Variants in TBC1D5 observed in about 807,000 individuals in gnomAD.
The protein encoded by TBC1D5 is TBC1 domain family member 5.
In TBC1D5, 75 loss-of-function variants were observed where a neutral mutation model predicts 100.3. That is an observed-to-expected ratio of 0.75 (90% CI 0.62 to 0.91). The LOEUF (loss-of-function observed/expected upper bound fraction) is 0.91. Ranked by LOEUF, TBC1D5 falls within the 40% of genes least tolerant of loss-of-function variation. The pLI is 0.00. For synonymous variants in TBC1D5, 323 were observed against 325.6 expected (o/e 0.99, Z 0.09); for missense variants, 910 against 942.4 (o/e 0.97, Z 0.45).
intron 16 of TBC1D5, among the ~76,000 whole-genome samples, chr3:17,247,175 C>T (rs1329600817): frequency 2.0e-5 from 3 of 152,138 alleles, no homozygotes; most frequent in Non-Finnish European, 4.4e-5. Flanking sequence ...GTGAGCAGCT[C>T]TACTTGGCAA....
intron 2 of TBC1D5, among the ~76,000 whole-genome samples, chr3:17,595,278 C>T (rs901427832): frequency 2.0e-5 from 3 of 151,942 alleles, no homozygotes; most frequent in Admixed American, 1.3e-4. Flanking sequence ...CTAGAGAACC[C>T]GAATACACTG....
chr3:17,542,688 A>G lies in TBC1D5; in HGVS notation c.-35-34083T>C, dbSNP rs536065220. On this transcript the variant is annotated intron_variant, in intron 2 of 21. Coordinates refer to ENST00000253692, the Ensembl canonical transcript of TBC1D5. ...TAAGAAATATTGTTAAATTTTGTCA[A>G]GTGCTTTTTCTGCATCTATTGAGAT... Among the ~76,000 whole-genome samples, 377 of 152,332 alleles carry G rather than the reference A, an allele frequency of 2.5e-3. 1 individual carries two copies. The highest frequency in any genetic ancestry group is 6.8e-3 in the Middle Eastern group (2 of 294).
rs975291301 is a variant in TBC1D5, at chr3:17,634,650, A to G, written c.-100-10737T>C. Among the ~76,000 whole-genome samples, 8 of 151,794 alleles carry G rather than the reference A, an allele frequency of 5.3e-5. No individual in the cohort carries two copies. The East Asian group carries it at 7.7e-4, about 15-fold the overall frequency. Reference sequence around the variant, plus strand: ...GTAAAAAAAAAAAAAAAAAAAGTGAATAAGACTAAGTATTTGATAGCACAA... The same window carrying G: ...GTAAAAAAAAAAAAAAAAAAAGTGAGTAAGACTAAGTATTTGATAGCACAA... On this transcript the variant is annotated intron_variant, in intron 1 of 21. Transcript: ENST00000253692.
chr3:17,577,445 T>A (rs1190648105), intron 2 of TBC1D5, among the ~76,000 whole-genome samples: 1 of 152,030 alleles, frequency 6.6e-6, no homozygotes, highest in Non-Finnish European at 1.5e-5. Context: ...CAAGCATTTT[T>A]AAATATATAC....
chr3:17,392,828 T>C (rs574295335), intron 8 of TBC1D5, among the ~76,000 whole-genome samples: 12 of 152,274 alleles, frequency 7.9e-5, no homozygotes, highest in African/African-American at 2.6e-4. Context: ...TAAACATACG[T>C]ATGCATGTGT....
intron 2 of TBC1D5, among the ~76,000 whole-genome samples, chr3:17,559,559 GA>G (rs2096544083): frequency 6.6e-6 from 1 of 151,736 alleles, no homozygotes; most frequent in South Asian, 2.1e-4. Context: ...TGAGAATGTG[GA>G]ATTCACATTC....
chr3:17,478,300 T>G (rs186430739), intron 3 of TBC1D5, among the ~76,000 whole-genome samples: 2 of 152,292 alleles, frequency 1.3e-5, no homozygotes, highest in Non-Finnish European at 2.9e-5. Flanking sequence ...ATTTTTGAAT[T>G]AGTATCTGTG....
intron 13 of TBC1D5, among the ~76,000 whole-genome samples, chr3:17,365,955 A>C (rs2092096202): frequency 6.6e-6 from 1 of 152,210 alleles, no homozygotes; most frequent in Non-Finnish European, 1.5e-5. Flanking sequence ...AAATGGGGAT[A>C]ATAACAGTAC....
intron 3 of TBC1D5, among the ~76,000 whole-genome samples, chr3:17,453,281 C>A: frequency 6.7e-6 from 1 of 149,728 alleles, no homozygotes; most frequent in Non-Finnish European, 1.5e-5. Context: ...AAACCAAACC[C>A]AAAATTAGGA....
At chr3:17,237,225 CT>C (rs2075931121) in intron 17 of TBC1D5, among the ~76,000 whole-genome samples, 1 of 152,148 alleles carries the variant, frequency 6.6e-6, no homozygotes, top group African/African-American at 2.4e-5. Context: ...TGGCCCCAAA[CT>C]GCTTGTGAGG....
intron 1 of TBC1D5, among the ~76,000 whole-genome samples, chr3:17,624,181 T>C (rs2062885674): frequency 6.6e-6 from 1 of 152,186 alleles, no homozygotes; most frequent in African/African-American, 2.4e-5. Context: ...ACACACGACA[T>C]ATTACCCTCA....
At chr3:17,528,067 G>A (rs1293186717) in intron 2 of TBC1D5, among the ~76,000 whole-genome samples, 4 of 151,716 alleles carry the variant, frequency 2.6e-5, no homozygotes, top group African/African-American at 9.7e-5. Context: ...GGGGGGCTGG[G>A]AGGGGTGGCT....
intron 15 of TBC1D5, among the ~76,000 whole-genome samples, chr3:17,264,237 AG>A (rs1349372913): frequency 1.3e-5 from 2 of 152,126 alleles, no homozygotes; most frequent in African/African-American, 4.8e-5. Context: ...CATAACTATA[AG>A]GTGGTACATA....
chr3:17,233,414 C>T (rs889706547), intron 17 of TBC1D5, among the ~76,000 whole-genome samples: 1 of 152,014 alleles, frequency 6.6e-6, no homozygotes, highest in African/African-American at 2.4e-5. Context: ...TTATAATAAC[C>T]ACAAAATACA....
chr3:17,309,628 A>G (rs1036429038), intron 13 of TBC1D5, among the ~76,000 whole-genome samples: 4 of 151,990 alleles, frequency 2.6e-5, no homozygotes, highest in African/African-American at 4.8e-5. Context: ...CTGTGTTTAC[A>G]TGGCTTAGGA....
intron 1 of TBC1D5, among the ~76,000 whole-genome samples, chr3:17,643,262 T>C (rs1451826434): frequency 6.6e-6 from 1 of 152,140 alleles, no homozygotes; most frequent in African/African-American, 2.4e-5. Context: ...GGCAAGAATA[T>C]CATATAAGTG....
intron 3 of TBC1D5, among the ~76,000 whole-genome samples, chr3:17,446,244 C>T (rs2094791117): frequency 6.6e-6 from 1 of 152,080 alleles, no homozygotes; most frequent in Admixed American, 6.5e-5. Context: ...TTTGGTCAAA[C>T]TCCCTTTAGG....
chr3:17,547,455 T>TC (rs1435127595), intron 2 of TBC1D5, among the ~76,000 whole-genome samples: 6 of 152,152 alleles, frequency 3.9e-5, no homozygotes, highest in African/African-American at 1.4e-4. Context: ...AGAGAATAAC[T>TC]AGCAATGCTT....
At chr3:17,241,987 T>C (rs2076345656) in intron 16 of TBC1D5, among the ~76,000 whole-genome samples, 1 of 152,218 alleles carries the variant, frequency 6.6e-6, no homozygotes, top group South Asian at 2.1e-4. Context: ...TTTGCATTAA[T>C]TTCTATTCTG....
Sources: allele counts gnomAD v4.1 joint callset (sites outside exome capture counted in the v4.1 genomes callset), GRCh38; gene constraint gnomAD v4.1.1; transcripts MANE v1.5; gene names NCBI Gene and HGNC (gene_info 2026-07-23, HGNC 2026-07-21).